SEC24C: variants seen among roughly 807,000 people sequenced by gnomAD.
The protein encoded by SEC24C is protein transport protein Sec24C.
In SEC24C, 22 loss-of-function variants were observed where a neutral mutation model predicts 117.0. That is an observed-to-expected ratio of 0.19 (90% CI 0.13 to 0.27). The LOEUF is 0.27. Among genes scored for constraint, SEC24C ranks in the 10% least tolerant of loss-of-function variants. The pLI is 1.00. For missense variants in SEC24C, 1,155 were observed against 1,375.1 expected (o/e 0.84, Z 2.53); for synonymous variants, 506 against 529.4 (o/e 0.96, Z 0.61).
chr10:73,771,207 G>T lies in SEC24C; in HGVS notation c.*112G>T, dbSNP rs895262989. 4 of 1,245,608 alleles carry T rather than the reference G, an allele frequency of 3.2e-6. No homozygotes were observed. Among genetic ancestry groups the T allele is most frequent in the African/African-American group, 1.5e-5 (1 of 66,392 alleles). The allele number at this position is 1,245,608 out of a possible 1,614,324, so 77.2% of individuals were successfully genotyped here. A position where few individuals can be genotyped will look rare whatever the true frequency, so the allele number is the denominator to read the frequency against. The stretch of plus-strand genomic sequence containing the variant: ...ATGTAAGCTGACCTCAGTCTCTCTG[G>T]GGGGAGGGGGAGATATAAGGAGACA... On this transcript the variant is annotated 3_prime_UTR_variant, in exon 23 of 23. Transcript: ENST00000345254.
rs1443140330 is a variant in SEC24C at position 73,746,879 on chromosome 10, C to G, written c.47C>G (p.Pro16Arg). Residue 16 changes from proline (P) to arginine (R), a missense_variant, in exon 2 of 23, where the codon CCC becomes CGC. By Grantham distance (103) the Pro-to-Arg change is moderately radical (BLOSUM62 -2). Around this residue, in one of 2 missense-constraint regions of SEC24C, gnomAD observed 396 missense variants for 382.8 expected, o/e 1.03. Transcript: ENST00000345254. ...CCACCTGTGCCACCATTTGGGCAGC[C>G]CCAGCCCATCTACCCAGGGTATCAT... Reference protein sequence around the residue: ...SVPPVPPFGQPQPIYPGYHQS... With the variant: ...SVPPVPPFGQRQPIYPGYHQS... 3 of 1,613,464 alleles carry G rather than the reference C, an allele frequency of 1.9e-6. No homozygotes were observed. The highest frequency in any genetic ancestry group is 2.5e-6 in the Non-Finnish European group (3 of 1,179,790).
intron 2 of SEC24C, 76 bp downstream of exon 2, chr10:73,747,080 AG>A (rs1218066496): frequency 7.4e-7 from 1 of 1,357,316 alleles, no homozygotes; most frequent in East Asian, 2.6e-5. Context: ...GTATTGCTCT[AG>A]CTAAGCTACC....
intron 1 of SEC24C, among the ~76,000 whole-genome samples, chr10:73,746,158 C>CAAAAAA (rs71021568): frequency 4.3e-5 from 4 of 93,062 alleles, no homozygotes; most frequent in African/African-American, 9.1e-5. Context: ...GACTCCGTCT[C>CAAAAAA]AAAAAAAAAA....
intron 8 of SEC24C, among the ~76,000 whole-genome samples, chr10:73,765,029 C>T (rs1039576473): frequency 3.9e-5 from 6 of 151,980 alleles, no homozygotes; most frequent in Non-Finnish European, 7.4e-5. Context: ...CCCAGGGATA[C>T]GGGAGGAGGT....
intron 3 of SEC24C, among the ~76,000 whole-genome samples, chr10:73,752,787 G>A (rs1238820684): frequency 6.6e-6 from 1 of 151,938 alleles, no homozygotes; most frequent in East Asian, 1.9e-4. Flanking sequence ...TTGTACTGCT[G>A]CACTCCAGTC....
At position 73,746,789 on chromosome 10, in the gene SEC24C, C is replaced by T; in HGVS notation, c.-28-16C>T. 6.5e-7 allele frequency: 1 copy of T among 1,537,152 alleles called. No individual in the cohort carries two copies. Among genetic ancestry groups the T allele is most frequent in the Non-Finnish European group, 8.8e-7 (1 of 1,133,346 alleles). The stretch of plus-strand genomic sequence containing the variant: ...TTAGAAAGTTCATTTTGACTAATTT[C>T]TCCTCTCTCTCACAGGTGAGATCAA... On this transcript the variant is annotated splice_polypyrimidine_tract_variant and intron_variant, in intron 1 of 22. Transcript: ENST00000345254.
Position 73,766,623 on chromosome 10 carries a change from G to T in SEC24C, c.1799+82G>T. On this transcript the variant is annotated intron_variant, in intron 12 of 22. Coordinates refer to ENST00000345254, the MANE Select transcript of SEC24C (RefSeq NM_198597.3). The stretch of plus-strand genomic sequence containing the variant: ...GGTCATGGAGTTGAACAGAGGTATT[G>T]GACAGTAGATGGAAAGGGGTTGTGG... The T allele has an allele frequency of 2.0e-6, 3 of 1,489,658 alleles. No individual in the cohort carries two copies. In the South Asian group the frequency reaches 3.6e-5, roughly 18 times the overall value. 92.3% of individuals were successfully genotyped at this position (1,489,658 alleles called of 1,614,324 possible).
chr10:73,762,065 C>A (rs2082805752), intron 6 of SEC24C: 1 of 1,271,630 alleles, frequency 7.9e-7, no homozygotes, highest in Non-Finnish European at 1.0e-6. Flanking sequence ...TCCTTGTATT[C>A]CCCTGCTGCA....
chr10:73,766,325 T>A (rs1397233386), intron 11 of SEC24C, 25 bp from the exon 12 acceptor site: 1 of 1,587,036 alleles, frequency 6.3e-7, no homozygotes, highest in African/African-American at 1.3e-5. Context: ...GTGGCAAGTC[T>A]AGGTAACAAT....
At chr10:73,759,515 G>C in intron 3 of SEC24C, 107 bp from the exon 4 acceptor site, 2 of 779,278 alleles carry the variant, frequency 2.6e-6, no homozygotes, top group Non-Finnish European at 3.7e-6. Context: ...GGGTGTGAGA[G>C]TAAGATGTCA....
chr10:73,750,643 G>C (rs2082629887), intron 2 of SEC24C, among the ~76,000 whole-genome samples: 1 of 152,222 alleles, frequency 6.6e-6, no homozygotes, highest in African/African-American at 2.4e-5. Context: ...GAAGAAGAAG[G>C]TGGCAGAATA....
rs752271295 is a variant in SEC24C, at chr10:73,769,097, C to T, written c.2369C>T (p.Thr790Ile). The T allele has an allele frequency of 6.2e-7, 1 of 1,614,198 alleles. No homozygotes were observed. Among genetic ancestry groups the T allele is most frequent in the South Asian group, 1.1e-5 (1 of 91,082 alleles). The change falls in exon 17 of 23, where the codon ACT becomes ATT. Residue 790 changes from threonine (T) to isoleucine (I), a missense_variant. Physicochemically the swap from Thr to Ile is moderately conservative, Grantham distance 89. This residue lies in a region of SEC24C where 759 missense variants were observed against 992.3 expected (regional missense o/e 0.76). Coordinates refer to ENST00000345254, the MANE Select transcript of SEC24C (RefSeq NM_198597.3). This position sits in a 1 kb window ranked among gnomAD's most constrained non-coding sequence, Gnocchi z 4.5. Reference protein sequence around the residue: ...LAGLDGDKTVTVEFKHDDRLN... With the variant: ...LAGLDGDKTVIVEFKHDDRLN... ...GGGCTAGATGGGGACAAAACAGTGACTGTGGAGTTCAAGCATGACGATCGG... is the reference window on the plus strand; with the variant it reads ...GGGCTAGATGGGGACAAAACAGTGATTGTGGAGTTCAAGCATGACGATCGG...
intron 3 of SEC24C, among the ~76,000 whole-genome samples, chr10:73,758,043 C>T (rs796309370): frequency 7.3e-5 from 11 of 151,582 alleles, no homozygotes; most frequent in African/African-American, 2.2e-4. Context: ...GAGACCAGCC[C>T]GGCCAACATA....
chr10:73,760,196 T>C lies in SEC24C; in HGVS notation c.660T>C (p.Gly220=), dbSNP rs1309690086. The C allele has an allele frequency of 6.2e-7, 1 of 1,613,794 alleles. No individual in the cohort carries two copies. Residue 220 remains glycine (G), a synonymous_variant, in exon 5 of 23, where the codon GGT becomes GGC. Transcript: ENST00000345254. ...ASSFTPPASG[G]PRLPSMTGPL... ...GCTTCACACCCCCAGCTTCAGGGGG[T>C]CCTCGGCTGCCTTCGATGACTGGTC...
In SEC24C at chr10:73,766,658, TGTCAGATTC is replaced by T; in HGVS notation, c.1800-101_1800-93del. The T allele has an allele frequency of 4.2e-6, 6 of 1,430,958 alleles. No individual in the cohort carries two copies. The East Asian group carries it at 1.4e-4, about 33-fold the overall frequency. 88.6% of individuals were successfully genotyped at this position (1,430,958 alleles called of 1,614,324 possible). A position where few individuals can be genotyped will look rare whatever the true frequency, so the allele number is the denominator to read the frequency against. On this transcript the variant is annotated intron_variant, in intron 12 of 22. Coordinates refer to ENST00000345254, the MANE Select transcript of SEC24C (RefSeq NM_198597.3). ...TGGAAAGGGGTTGTGGCCCAGGAGT[TGTCAGATTC>T]TAGAGGCTTGATGACTCTTCAGGGA...
chr10:73,763,706 T>TTTTTTTTTTTAAA, intron 7 of SEC24C, 105 bp downstream of exon 7: 1 of 681,258 alleles, frequency 1.5e-6, no homozygotes, highest in Non-Finnish European at 2.2e-6. Flanking sequence ...TTTTAGTTTT[T>TTTTTTTTTTTAAA]AACCAGAGAC....
chr10:73,757,430 G>A (rs113895104), intron 3 of SEC24C, among the ~76,000 whole-genome samples: 1 of 150,626 alleles, frequency 6.6e-6, no homozygotes. Context: ...AGGATTGCTA[G>A]AGCCCTGGAG....
In SEC24C at chr10:73,768,901, G is replaced by A. The variant is rs1810839792; in HGVS notation, c.2273G>A (p.Ser758Asn). 1 of 1,614,202 alleles carries A rather than the reference G, an allele frequency of 6.2e-7. No individual in the cohort carries two copies. The highest frequency in any genetic ancestry group is 8.5e-7 in the Non-Finnish European group (1 of 1,180,032). Residue 758 changes from serine to asparagine, a missense_variant, in exon 16 of 23, where the codon AGC (serine) becomes AAC (asparagine). Physicochemically the swap from Ser to Asn is conservative, Grantham distance 46. This residue lies in a region of SEC24C where 759 missense variants were observed against 992.3 expected (regional missense o/e 0.76). Transcript: ENST00000345254. ...GFDAVMRVRT[S>N]TGIRAVDFFG... ...GATGCTGTGATGCGGGTCCGGACAA[G>A]CACTGGTCAGTCCTGATTGAAGAGC...
chr10:73,757,945 AAAAC>A, intron 3 of SEC24C, among the ~76,000 whole-genome samples: 2 of 150,416 alleles, frequency 1.3e-5, no homozygotes, highest in Non-Finnish European at 3.0e-5. Flanking sequence ...AAAAAAAAAA[AAAAC>A]GTAAGGCTGG....
Sources: gnomAD v4.1 joint callset for allele counts (sites outside exome capture counted in the v4.1 genomes callset) on GRCh38, gnomAD v4.1.1 for gene constraint, gnomAD v4.1.1 regional missense constraint, Gnocchi (gnomAD v3.1) non-coding constraint, MANE v1.5 for transcripts, NCBI Gene and HGNC (gene_info 2026-07-23, HGNC 2026-07-21) for gene names.